PPFIA2: variants seen among roughly 807,000 people sequenced by gnomAD.
PPFIA2 encodes the protein PPFI scaffold protein A2, also known as liprin-alpha-2.
PPFIA2 carries 46 observed loss-of-function variants against 175.5 expected under a neutral mutation model. That is an observed-to-expected ratio of 0.26 (90% confidence interval 0.21 to 0.34). PPFIA2 has a LOEUF of 0.34. PPFIA2 is among the 10% of genes least tolerant of loss of function. The pLI, the probability that PPFIA2 is intolerant of heterozygous loss-of-function variation, is 1.00. For synonymous variants in PPFIA2, 568 were observed against 511.4 expected, an observed-to-expected ratio of 1.11 and a Z score of -1.49; for missense variants, 1,179 against 1,506.1, an observed-to-expected ratio of 0.78 and a Z score of 3.60.
At chr12:81,707,504 T>C (rs1215593259) in intron 3 of PPFIA2, among the ~76,000 whole-genome samples, 1 of 151,514 alleles carries the variant, frequency 6.6e-6, no homozygotes, top group Non-Finnish European at 1.5e-5. Flanking sequence ...ATGGCAATCA[T>C]TAAAAAGTCA....
intron 21 of PPFIA2, among the ~76,000 whole-genome samples, chr12:81,330,384 T>A (rs1469245232): frequency 2.0e-5 from 3 of 152,314 alleles, no homozygotes; most frequent in Admixed American, 2.0e-4. Context: ...ATGTTCTTAA[T>A]TTTTTGCCTT....
At chr12:81,751,281 T>G (rs1232250306) in intron 3 of PPFIA2, among the ~76,000 whole-genome samples, 4 of 152,144 alleles carry the variant, frequency 2.6e-5, no homozygotes, top group African/African-American at 9.7e-5. Flanking sequence ...CATCTAAATG[T>G]ATAGGCTCAT....
At chr12:81,295,743 C>A (rs149643656) in intron 23 of PPFIA2, among the ~76,000 whole-genome samples, 310 of 152,244 alleles carry the variant, frequency 2.0e-3, no homozygotes, top group African/African-American at 7.1e-3. Context: ...GTAATCTCAG[C>A]ACTTTGGGAG....
intron 22 of PPFIA2, among the ~76,000 whole-genome samples, chr12:81,305,796 A>G (rs1196336072): frequency 6.6e-6 from 1 of 152,204 alleles, no homozygotes; most frequent in Non-Finnish European, 1.5e-5. Context: ...TAGCTATCCT[A>G]TTGGCAACTA....
chr12:81,612,150 TC>T (rs1217933066), intron 4 of PPFIA2, among the ~76,000 whole-genome samples: 1 of 152,138 alleles, frequency 6.6e-6, no homozygotes, highest in African/African-American at 2.4e-5. Context: ...TCTGGCTGCA[TC>T]TAGTCAGCCA....
intron 4 of PPFIA2, among the ~76,000 whole-genome samples, chr12:81,480,823 C>A (rs560279481): frequency 1.3e-5 from 2 of 152,142 alleles, no homozygotes; most frequent in African/African-American, 4.8e-5. Flanking sequence ...CCAGCCAGAG[C>A]TCAGCTGTAT....
chr12:81,539,472 C>T (rs539381634), intron 4 of PPFIA2, among the ~76,000 whole-genome samples: 1 of 151,924 alleles, frequency 6.6e-6, no homozygotes, highest in Non-Finnish European at 1.5e-5. Flanking sequence ...AGGAGTAAAA[C>T]TTGATGTGGT....
chr12:81,469,730 T>C (rs2056401362), intron 4 of PPFIA2, among the ~76,000 whole-genome samples: 1 of 152,202 alleles, frequency 6.6e-6, no homozygotes, highest in Admixed American at 6.5e-5. Flanking sequence ...AGACTCCATA[T>C]GCTATGACTG....
At chr12:81,581,406 G>A (rs151326160) in intron 4 of PPFIA2, among the ~76,000 whole-genome samples, 43 of 151,774 alleles carry the variant, frequency 2.8e-4, no homozygotes, top group Non-Finnish European at 5.6e-4. Flanking sequence ...CTGCCCTTCA[G>A]TGCATTCTAG....
At chr12:81,393,281 T>G (rs1417465967) in intron 8 of PPFIA2, among the ~76,000 whole-genome samples, 3 of 152,110 alleles carry the variant, frequency 2.0e-5, no homozygotes, top group Non-Finnish European at 4.4e-5. Context: ...GTGTGTATAT[T>G]GAGTTTATTT....
intron 3 of PPFIA2, among the ~76,000 whole-genome samples, chr12:81,698,763 T>TAC (rs67686939): frequency 0.017 from 2,203 of 132,098 alleles, 49 homozygotes; most frequent in African/African-American, 0.05. Flanking sequence ...TAGTCCTTTA[T>TAC]ACACACACAC....
At chr12:81,581,185 A>C (rs192494005) in intron 4 of PPFIA2, among the ~76,000 whole-genome samples, 2 of 151,514 alleles carry the variant, frequency 1.3e-5, no homozygotes, top group Admixed American at 1.3e-4. Context: ...GAAATCTAAA[A>C]TCTCCTTGAG....
intron 24 of PPFIA2, among the ~76,000 whole-genome samples, chr12:81,293,589 T>A (rs1410811959): frequency 6.6e-6 from 1 of 151,622 alleles, no homozygotes; most frequent in Non-Finnish European, 1.5e-5. Context: ...CCAAGTGAGA[T>A]ACCATCCCAC....
At chr12:81,743,353 G>A (rs538260167) in intron 3 of PPFIA2, among the ~76,000 whole-genome samples, 24 of 140,358 alleles carry the variant, frequency 1.7e-4, no homozygotes, top group Non-Finnish European at 3.2e-4. Flanking sequence ...GGAGGTGGAG[G>A]TTGCAGTGAG....
chr12:81,383,461 C>G (rs975055940), intron 9 of PPFIA2, among the ~76,000 whole-genome samples: 2 of 151,978 alleles, frequency 1.3e-5, no homozygotes, highest in African/African-American at 4.8e-5. Flanking sequence ...TTAAAGTACT[C>G]TCTTCACTTG....
At chr12:81,443,009 C>T (rs183764284) in intron 6 of PPFIA2, among the ~76,000 whole-genome samples, 1 of 149,450 alleles carries the variant, frequency 6.7e-6, no homozygotes, top group Non-Finnish European at 1.5e-5. Context: ...ATATGAGTCC[C>T]TCGACAACTA....
chr12:81,312,351 C>G (rs1013208740), intron 22 of PPFIA2: 10 of 607,942 alleles, frequency 1.6e-5, no homozygotes, highest in Non-Finnish European at 2.6e-5. Flanking sequence ...CTCACTGCGT[C>G]GAAAAGCATA....
At chr12:81,589,571 C>T (rs182988463) in intron 4 of PPFIA2, among the ~76,000 whole-genome samples, 30 of 151,906 alleles carry the variant, frequency 2.0e-4, no homozygotes, top group East Asian at 1.7e-3. Context: ...AAATGTCTGC[C>T]CTAATAGGTA....
chr12:81,589,762 C>A (rs1044535664), intron 4 of PPFIA2, among the ~76,000 whole-genome samples: 5 of 151,972 alleles, frequency 3.3e-5, no homozygotes, highest in African/African-American at 1.2e-4. Flanking sequence ...CCTTTATGGA[C>A]CTTCATTTTT....
Sources: gnomAD v4.1 joint callset for allele counts (sites outside exome capture counted in the v4.1 genomes callset) on GRCh38, gnomAD v4.1.1 for gene constraint, MANE v1.5 for transcripts, NCBI Gene and HGNC (gene_info 2026-07-23, HGNC 2026-07-21) for gene names.